UIMC1: variants seen among roughly 807,000 people sequenced by gnomAD.
UIMC1 encodes the protein ubiquitin interaction motif containing 1, also known as BRCA1-A complex subunit RAP80.
In UIMC1, 42 loss-of-function variants were observed where a neutral mutation model predicts 84.9. That is an observed-to-expected ratio of 0.49 (90% CI 0.39 to 0.64). UIMC1 has a LOEUF of 0.64. Among genes scored for constraint, UIMC1 ranks in the 30% least tolerant of loss-of-function variants. The pLI is 0.00. For missense variants in UIMC1, 825 were observed against 847.6 expected, an observed-to-expected ratio of 0.97 and a Z score of 0.33; for synonymous variants, 281 against 293.0, an observed-to-expected ratio of 0.96 and a Z score of 0.42.
At chr5:176,958,514 T>C (rs1300737023) in intron 6 of UIMC1, among the ~76,000 whole-genome samples, 4 of 152,236 alleles carry the variant, frequency 2.6e-5, no homozygotes, top group Admixed American at 2.6e-4. Context: ...TATTAACTGG[T>C]AAGTCAAATG....
At position 176,975,388 on chromosome 5, in the gene UIMC1, A is replaced by C; in HGVS notation, c.232+8T>G. 1 of 1,613,610 alleles carries C rather than the reference A, an allele frequency of 6.2e-7. No individual in the cohort carries two copies. Among genetic ancestry groups the C allele is most frequent in the Non-Finnish European group, 8.5e-7 (1 of 1,179,702 alleles). ...TCCCAAACCATTATCAACAAAATGA[A>C]AACATACGTGCGATTTTTCTTTTGG... On this transcript the variant is annotated splice_region_variant and intron_variant, in intron 3 of 14. Coordinates refer to ENST00000511320, the MANE Select transcript of UIMC1 (RefSeq NM_001199298.2).
chr5:176,930,113 T>C (rs1440721376), intron 10 of UIMC1, among the ~76,000 whole-genome samples: 1 of 152,188 alleles, frequency 6.6e-6, no homozygotes, highest in Non-Finnish European at 1.5e-5. Context: ...GTGAACCCAT[T>C]ACCCAACTTA....
chr5:176,996,595 C>T (rs1288725619), intron 1 of UIMC1, among the ~76,000 whole-genome samples: 1 of 152,130 alleles, frequency 6.6e-6, no homozygotes, highest in Non-Finnish European at 1.5e-5. Flanking sequence ...CTCATGAAAA[C>T]GACTGAACTT....
chr5:177,013,361 AACACACACACACACACACACACACAC>A (rs6149367), intron 1 of UIMC1, among the ~76,000 whole-genome samples: 1 of 137,732 alleles, frequency 7.3e-6, no homozygotes, highest in South Asian at 2.4e-4. Context: ...ACTGCATCCA[AACACACACACACACACACACACACAC>A]ACACACACAC....
At chr5:177,014,011 T>TA (rs1422526930) in intron 1 of UIMC1, among the ~76,000 whole-genome samples, 3 of 152,114 alleles carry the variant, frequency 2.0e-5, no homozygotes, top group Admixed American at 6.6e-5. Flanking sequence ...TAAACTATAT[T>TA]GTTTGCACAA....
At chr5:177,010,523 T>A (rs565972015), upstream of UIMC1, among the ~76,000 whole-genome samples, 25 of 152,180 alleles carry the variant, frequency 1.6e-4, no homozygotes, top group East Asian at 1.9e-3. Flanking sequence ...CAGGGATATA[T>A]AATAAACACA....
At chr5:176,920,053 C>T (rs1352086401) in intron 10 of UIMC1, among the ~76,000 whole-genome samples, 1 of 152,120 alleles carries the variant, frequency 6.6e-6, no homozygotes, top group African/African-American at 2.4e-5. Context: ...AGGAGTTTCG[C>T]TCTTGTTGCC....
At chr5:177,000,496 G>GTTTTTTT (rs1490596086) in intron 1 of UIMC1, among the ~76,000 whole-genome samples, 1 of 125,960 alleles carries the variant, frequency 7.9e-6, no homozygotes, top group African/African-American at 3.7e-5. Context: ...CCACTTGCAT[G>GTTTTTTT]TCTTTTTTTT....
chr5:176,928,180 G>C (rs182787971), intron 10 of UIMC1, among the ~76,000 whole-genome samples: 5 of 152,206 alleles, frequency 3.3e-5, no homozygotes, highest in African/African-American at 7.2e-5. Context: ...CTGCAACACA[G>C]CCGCCTGATT....
upstream of UIMC1, among the ~76,000 whole-genome samples, chr5:177,007,536 C>T (rs1393154653): frequency 3.3e-5 from 5 of 152,128 alleles, no homozygotes; most frequent in Non-Finnish European, 7.4e-5. Context: ...ACAAAGGAAT[C>T]CTATATGTGT....
chr5:177,019,328 C>T (rs939835164), intron 1 of UIMC1, among the ~76,000 whole-genome samples: 11 of 152,134 alleles, frequency 7.2e-5, no homozygotes, highest in Non-Finnish European at 1.5e-4. Flanking sequence ...AATGTAGGTG[C>T]TTTGCAAACT....
intron 1 of UIMC1, among the ~76,000 whole-genome samples, chr5:177,000,107 G>A (rs1422161104): frequency 6.6e-6 from 1 of 151,890 alleles, no homozygotes; most frequent in African/African-American, 2.4e-5. Flanking sequence ...ACAGGCGCCC[G>A]CCACCACACC....
chr5:176,985,794 A>G (rs751674458), intron 1 of UIMC1, among the ~76,000 whole-genome samples: 2 of 152,098 alleles, frequency 1.3e-5, no homozygotes, highest in Admixed American at 6.6e-5. Context: ...TTTATTCCTT[A>G]TAAGATAGGA....
intron 1 of UIMC1, among the ~76,000 whole-genome samples, chr5:176,996,790 T>C (rs911542980): frequency 2.0e-5 from 3 of 152,104 alleles, no homozygotes; most frequent in African/African-American, 7.2e-5. Context: ...ATGTGGAGTA[T>C]CGTTACTCCA....
At chr5:177,010,259 G>C (rs1318285309), upstream of UIMC1, among the ~76,000 whole-genome samples, 1 of 152,082 alleles carries the variant, frequency 6.6e-6, no homozygotes, top group Non-Finnish European at 1.5e-5. Flanking sequence ...ATCACGCATA[G>C]ACCTCAATAC....
Position 176,947,802 on chromosome 5 carries a change from TGA to T in UIMC1, c.1443+3670_1443+3671del, listed in dbSNP as rs1224218011. Among the ~76,000 whole-genome samples the T allele has an allele frequency of 3.3e-5, 5 of 149,992 alleles. No individual in the cohort carries two copies. In the Admixed American group the frequency reaches 3.3e-4, roughly 10 times the overall value. ...CTGCACTCCAGCCTAGGCAACAGGGTGAGACTCCATCTCAAAAGAAAAAAAAA... is the reference window on the plus strand; with the variant it reads ...CTGCACTCCAGCCTAGGCAACAGGGTGACTCCATCTCAAAAGAAAAAAAAA... On this transcript the variant is annotated intron_variant, in intron 9 of 14. Coordinates refer to ENST00000511320, the MANE Select transcript of UIMC1 (RefSeq NM_001199298.2).
At chr5:176,929,808 G>T (rs1345169698) in intron 10 of UIMC1, among the ~76,000 whole-genome samples, 1 of 152,140 alleles carries the variant, frequency 6.6e-6, no homozygotes, top group East Asian at 1.9e-4. Context: ...GTCTTTTGAA[G>T]AAAGTGGTAT....
chr5:177,004,442 ATTTTT>A (rs933551383), intron 1 of UIMC1, among the ~76,000 whole-genome samples: 1 of 151,472 alleles, frequency 6.6e-6, no homozygotes, highest in African/African-American at 2.4e-5. Flanking sequence ...TTCAACTACT[ATTTTT>A]TTTTAAGTTA....
At chr5:177,012,019 C>G (rs546061862) in intron 1 of UIMC1, among the ~76,000 whole-genome samples, 6 of 152,128 alleles carry the variant, frequency 3.9e-5, no homozygotes, top group Non-Finnish European at 8.8e-5. Context: ...ACAGGATAGT[C>G]TCGATCTCCT....
Sources: gnomAD v4.1 joint callset for allele counts (sites outside exome capture counted in the v4.1 genomes callset) on GRCh38, gnomAD v4.1.1 for gene constraint, MANE v1.5 for transcripts, NCBI Gene and HGNC (gene_info 2026-07-23, HGNC 2026-07-21) for gene names.